Variants in TMEM255A observed in about 807,000 individuals in gnomAD.
TMEM255A encodes family with sequence similarity 70, member A.
TMEM255A carries 14 observed loss-of-function variants against 23.5 expected under a neutral mutation model. The ratio of observed to expected loss-of-function variants is 0.60; its 90% CI spans 0.39 to 0.93. The LOEUF is 0.93. Among genes scored for constraint, TMEM255A ranks in the 40% least tolerant of loss-of-function variants. TMEM255A has a pLI of 0.00. For missense variants in TMEM255A, 233 were observed against 261.7 expected, an observed-to-expected ratio of 0.89 and a Z score of 0.76; for synonymous variants, 104 against 100.3, an observed-to-expected ratio of 1.04 and a Z score of -0.22.
chrX:120,291,366 G>A (rs368373185), intron 3 of TMEM255A, 26 bp from the exon 4 acceptor site: 232 of 1,158,505 alleles, frequency 2.0e-4, no homozygotes, highest in Non-Finnish European at 2.5e-4. Flanking sequence ...AAACAAAAGC[G>A]TCTGTTAGCC....
At chrX:120,275,362 A>G (rs1357523036) in intron 7 of TMEM255A, among the ~76,000 whole-genome samples, 1 of 112,189 alleles carries the variant, frequency 8.9e-6, no homozygotes, top group Non-Finnish European at 1.9e-5. Context: ...TAGCAGGAAC[A>G]CTTAATAGTT....
intron 2 of TMEM255A, among the ~76,000 whole-genome samples, chrX:120,299,791 C>T (rs886264438): frequency 4.5e-5 from 5 of 112,263 alleles, no homozygotes; most frequent in Non-Finnish European, 9.4e-5. Context: ...CTTATGTTTT[C>T]TGAGCATTCA....
intron 7 of TMEM255A, among the ~76,000 whole-genome samples, chrX:120,269,748 T>A (rs2057742949): frequency 8.9e-6 from 1 of 111,749 alleles, no homozygotes; most frequent in Non-Finnish European, 1.9e-5. Flanking sequence ...GCTGGCTTGC[T>A]TTACATTTAC....
chrX:120,252,331 T>G, the TMEM255A span, among the ~76,000 whole-genome samples: 1 of 110,756 alleles, frequency 9.0e-6, no homozygotes, highest in Admixed American at 9.6e-5. Flanking sequence ...AATATATCCA[T>G]ATATAATATG....
chrX:120,270,029 C>G (rs2057745450), intron 7 of TMEM255A, among the ~76,000 whole-genome samples: 1 of 111,180 alleles, frequency 9.0e-6, no homozygotes, highest in African/African-American at 3.3e-5. Context: ...GAGAAGGCAG[C>G]ACAGAAGAAA....
chrX:120,304,283 C>G (rs1402066090), intron 2 of TMEM255A, 66 bp downstream of exon 2: 7 of 1,079,332 alleles, frequency 6.5e-6, no homozygotes, highest in Non-Finnish European at 8.8e-6. Context: ...TGAAAACTAT[C>G]AGAGCAGAGC....
At chrX:120,303,090 G>C (rs2058043201) in intron 2 of TMEM255A, among the ~76,000 whole-genome samples, 1 of 111,664 alleles carries the variant, frequency 9.0e-6, no homozygotes, top group Admixed American at 9.5e-5. Context: ...CTAGAGTTAG[G>C]TTTTTGGGTT....
chrX:120,274,947 C>CTT (rs35996803), intron 7 of TMEM255A, among the ~76,000 whole-genome samples: 39,973 of 109,803 alleles, frequency 0.36, 5,475 homozygotes, highest in East Asian at 0.58. Context: ...TTAGAGAACT[C>CTT]TTAACACTCA....
intron 3 of TMEM255A, among the ~76,000 whole-genome samples, chrX:120,291,731 A>C (rs782072969): frequency 4.6e-5 from 5 of 107,923 alleles, no homozygotes; most frequent in Non-Finnish European, 9.6e-5. Context: ...ATGGAGGCAC[A>C]GTGAGGGGAA....
At chrX:120,306,949 C>G (rs1350821444) in intron 1 of TMEM255A, among the ~76,000 whole-genome samples, 1 of 112,413 alleles carries the variant, frequency 8.9e-6, no homozygotes, top group African/African-American at 3.2e-5. Flanking sequence ...CCACAGGGGC[C>G]TTGACTCCAG....
chrX:120,293,494 G>A (rs1228309364), intron 3 of TMEM255A, among the ~76,000 whole-genome samples: 3 of 112,424 alleles, frequency 2.7e-5, no homozygotes, highest in Non-Finnish European at 3.8e-5. Flanking sequence ...CTTTTTTTGT[G>A]TGTGCCACAA....
intron 2 of TMEM255A, among the ~76,000 whole-genome samples, chrX:120,303,340 C>T (rs1230778064): frequency 9.0e-6 from 1 of 111,089 alleles, no homozygotes; most frequent in East Asian, 2.8e-4. Flanking sequence ...GTGAACTATC[C>T]TTCTGGAGGA....
intron 7 of TMEM255A, among the ~76,000 whole-genome samples, chrX:120,269,043 T>G (rs2057736589): frequency 9.0e-6 from 1 of 111,126 alleles, no homozygotes; most frequent in East Asian, 2.8e-4. Flanking sequence ...GGTATTGATT[T>G]CTCATCAGCC....
intron 8 of TMEM255A, among the ~76,000 whole-genome samples, chrX:120,265,330 A>G (rs1168631383): frequency 1.8e-5 from 2 of 112,181 alleles, no homozygotes; most frequent in Non-Finnish European, 3.8e-5. Flanking sequence ...GACTTAGGCT[A>G]TACAATTATA....
At chrX:120,265,988 CAAAA>C (rs782107279) in intron 8 of TMEM255A, among the ~76,000 whole-genome samples, 2 of 68,757 alleles carry the variant, frequency 2.9e-5, no homozygotes, top group Admixed American at 1.8e-4. Context: ...ACAAAAGATA[CAAAA>C]AAAAAAAAAA....
chrX:120,277,428 G>A (rs1556020065), intron 6 of TMEM255A, among the ~76,000 whole-genome samples: 1 of 111,663 alleles, frequency 9.0e-6, no homozygotes, highest in African/African-American at 3.3e-5. Flanking sequence ...TTTAAATTAA[G>A]TAAAATTAAG....
intron 6 of TMEM255A, among the ~76,000 whole-genome samples, chrX:120,280,297 A>G (rs1205409609): frequency 9.0e-6 from 1 of 110,871 alleles, no homozygotes; most frequent in Non-Finnish European, 1.9e-5. Flanking sequence ...CCTGGCCAGT[A>G]TTAAGACTTT....
At chrX:120,297,039 A>AATATAAT (rs2057993153) in intron 2 of TMEM255A, among the ~76,000 whole-genome samples, 1 of 6,628 alleles carries the variant, frequency 1.5e-4, no homozygotes, top group Non-Finnish European at 2.0e-4. Context: ...TATAATATAT[A>AATATAAT]ATATATAATA....
chrX:120,286,073 C>A, intron 5 of TMEM255A: 2 of 368,487 alleles, frequency 5.4e-6, no homozygotes, highest in East Asian at 8.9e-5. Context: ...CATTTCTATT[C>A]CTCCTATCTA....
Sources: gnomAD v4.1 joint callset for allele counts (sites outside exome capture counted in the v4.1 genomes callset) on GRCh38, gnomAD v4.1.1 for gene constraint, MANE v1.5 for transcripts, NCBI Gene and HGNC (gene_info 2026-07-23, HGNC 2026-07-21) for gene names.